The following PATJ variants were observed in gnomAD, a reference collection of about 807,000 sequenced individuals.
PATJ encodes the protein inaD-like protein.
Under a neutral mutation model 224.9 loss-of-function variants are expected in PATJ, and 190 were observed. That is an observed-to-expected ratio of 0.84 (90% CI 0.75 to 0.95). The LOEUF (loss-of-function observed/expected upper bound fraction) is 0.95, where lower values mean the gene tolerates loss of function less well. Among genes scored for constraint, PATJ ranks in the 40% least tolerant of loss-of-function variants. PATJ has a pLI of 0.00. For synonymous variants in PATJ, 769 were observed against 820.3 expected, an observed-to-expected ratio of 0.94 and a Z score of 1.07; for missense variants, 2,121 against 2,270.3, an observed-to-expected ratio of 0.93 and a Z score of 1.34.
chr1:62,101,037 C>A (rs1442544272), intron 33 of PATJ, among the ~76,000 whole-genome samples: 1 of 152,042 alleles, frequency 6.6e-6, no homozygotes, highest in Admixed American at 6.6e-5. Context: ...GTAGCCTATA[C>A]TTCAAATATA....
At chr1:62,047,413 C>T (rs949541619) in intron 30 of PATJ, among the ~76,000 whole-genome samples, 2 of 139,842 alleles carry the variant, frequency 1.4e-5, no homozygotes, top group African/African-American at 2.5e-5. Flanking sequence ...CCCACCACCA[C>T]GCCTGGCTAA....
intron 26 of PATJ, among the ~76,000 whole-genome samples, chr1:61,919,411 C>T (rs759049191): frequency 2.0e-5 from 3 of 151,800 alleles, no homozygotes; most frequent in Non-Finnish European, 4.4e-5. Context: ...GCCAGTAGTC[C>T]TCCCATCTGA....
chr1:61,766,186 G>A (rs1646259298), intron 3 of PATJ, 93 bp from the exon 4 acceptor site: 6 of 801,938 alleles, frequency 7.5e-6, no homozygotes, highest in Non-Finnish European at 1.2e-5. Context: ...TATTTAATGT[G>A]CAAAGTATCT....
At chr1:62,125,406 T>G (rs1294201290) in intron 39 of PATJ, among the ~76,000 whole-genome samples, 2 of 152,110 alleles carry the variant, frequency 1.3e-5, no homozygotes, top group Admixed American at 6.6e-5. Context: ...TGTAATGTCT[T>G]TAGCATAGCA....
At chr1:61,786,559 G>A (rs1648573059) in intron 7 of PATJ, among the ~76,000 whole-genome samples, 3 of 152,160 alleles carry the variant, frequency 2.0e-5, no homozygotes, top group Middle Eastern at 3.4e-3. Flanking sequence ...TCGCCCATCT[G>A]TACCTCTGTA....
intron 24 of PATJ, among the ~76,000 whole-genome samples, chr1:61,903,414 AG>A (rs1671457403): frequency 6.6e-6 from 1 of 152,232 alleles, no homozygotes; most frequent in East Asian, 1.9e-4. Context: ...AGACTGTGGG[AG>A]GAACAGATTT....
Position 61,936,788 on chromosome 1 carries a change from T to G in PATJ, c.3670+8959T>G, listed in dbSNP as rs529860157. On this transcript the variant is annotated intron_variant, in intron 27 of 43. Coordinates refer to ENST00000642238, the MANE Select transcript of PATJ (RefSeq NM_001350145.3). ...GGTTTCACCATGTTGACCAGGCTGG[T>G]CTCAAACTCCTGAGCTCAAGTGATC... Among the ~76,000 whole-genome samples, 35 of 152,230 alleles carry G rather than the reference T, an allele frequency of 2.3e-4. 1 individual carries two copies. The South Asian group carries it at 7.3e-3, about 32-fold the overall frequency.
At chr1:62,000,725 G>T (rs1645710651) in intron 28 of PATJ, among the ~76,000 whole-genome samples, 1 of 150,850 alleles carries the variant, frequency 6.6e-6, no homozygotes, top group Admixed American at 6.6e-5. Flanking sequence ...TAATGGGATG[G>T]CTGGGTCAAA....
At chr1:61,943,853 C>G (rs1234743043) in intron 27 of PATJ, among the ~76,000 whole-genome samples, 3 of 152,166 alleles carry the variant, frequency 2.0e-5, no homozygotes, top group African/African-American at 7.2e-5. Flanking sequence ...GTGACTGACA[C>G]CTCATACGGC....
At chr1:61,884,159 T>C in intron 21 of PATJ, 78 bp from the exon 22 acceptor site, 1 of 1,039,062 alleles carries the variant, frequency 9.6e-7, no homozygotes. Flanking sequence ...CCATAGTAGG[T>C]GCCCATACCT....
At chr1:61,820,069 T>C (rs1218856320) in intron 14 of PATJ, among the ~76,000 whole-genome samples, 1 of 152,156 alleles carries the variant, frequency 6.6e-6, no homozygotes, top group Non-Finnish European at 1.5e-5. Context: ...TGAGATGGAG[T>C]CTCGCTCTGT....
rs182423232 is a variant in PATJ, at chr1:62,146,709, G to A, written c.5272-1575G>A. Among the ~76,000 whole-genome samples the A allele has an allele frequency of 6.8e-3, 1,034 of 152,046 alleles. 12 individuals are homozygous for A. The highest frequency in any genetic ancestry group is 0.014 in the South Asian group (69 of 4,810). ...GGAGACTCGCTTGAACCCGGGAGGC[G>A]GAGGTTGCGGTGAGCCAAGATCACG... is the stretch of plus-strand genomic sequence containing the variant. On this transcript the variant is annotated intron_variant, in intron 41 of 43. Coordinates refer to ENST00000642238, the MANE Select transcript of PATJ (RefSeq NM_001350145.3).
chr1:61,945,289 A>G (rs1245408218), intron 27 of PATJ, among the ~76,000 whole-genome samples: 2 of 152,192 alleles, frequency 1.3e-5, no homozygotes, highest in Non-Finnish European at 2.9e-5. Flanking sequence ...AGCAAATTGG[A>G]TAAAGAGTCA....
chr1:61,914,724 C>T, intron 26 of PATJ, 60 bp downstream of exon 26: 1 of 1,055,056 alleles, frequency 9.5e-7, no homozygotes, highest in East Asian at 2.5e-5. Context: ...TTTTTGTTTT[C>T]CATATCTGGG....
rs181852663 is a variant in PATJ at position 61,834,915 on chromosome 1, G to T, written c.2112+1130G>T. The stretch of plus-strand genomic sequence containing the variant: ...GGCTACATTTTGTATTTTTAGTAGA[G>T]ATGGGTTTTCACCATGTTGGCCAGG... On this transcript the variant is annotated intron_variant, in intron 17 of 43. Transcript: ENST00000642238. Among the ~76,000 whole-genome samples the T allele has an allele frequency of 6.6e-4, 101 of 152,212 alleles. 1 individual carries two copies. In the East Asian group the frequency reaches 0.013, roughly 19 times the overall value.
chr1:62,077,534 C>CA (rs892023616), intron 31 of PATJ, among the ~76,000 whole-genome samples: 5 of 151,454 alleles, frequency 3.3e-5, no homozygotes, highest in African/African-American at 9.7e-5. Context: ...ACTAAAAATA[C>CA]AAAAAATTAG....
intron 22 of PATJ, among the ~76,000 whole-genome samples, chr1:61,886,396 G>A (rs1229832019): frequency 6.6e-6 from 1 of 152,172 alleles, no homozygotes; most frequent in East Asian, 1.9e-4. Flanking sequence ...TTTTCCCGGG[G>A]CTTGGCCACA....
intron 33 of PATJ, among the ~76,000 whole-genome samples, chr1:62,088,354 G>A (rs1660296878): frequency 1.3e-5 from 2 of 152,098 alleles, no homozygotes; most frequent in South Asian, 4.1e-4. Context: ...ATGCACTCCA[G>A]CATCTCGGAC....
intron 28 of PATJ, among the ~76,000 whole-genome samples, chr1:61,992,290 G>A (rs1411687267): frequency 6.6e-6 from 1 of 151,956 alleles, no homozygotes; most frequent in African/African-American, 2.4e-5. Flanking sequence ...GCTAATATTT[G>A]TATTTTTAGT....
Sources: gnomAD v4.1 joint callset for allele counts (sites outside exome capture counted in the v4.1 genomes callset) on GRCh38, gnomAD v4.1.1 for gene constraint, MANE v1.5 for transcripts, NCBI Gene and HGNC (gene_info 2026-07-23, HGNC 2026-07-21) for gene names.